The following ELP1 variants were observed in gnomAD, a reference collection of about 807,000 sequenced individuals.
The protein encoded by ELP1 is elongator complex protein 1.
A neutral mutation model predicts 183.2 loss-of-function variants in ELP1; 131 were observed. That is an observed-to-expected ratio of 0.72 (90% CI 0.62 to 0.83). The LOEUF is 0.83. Among genes scored for constraint, ELP1 ranks in the 40% least tolerant of loss-of-function variants. The probability of loss-of-function intolerance (pLI) is 0.00; values close to 1 mark genes in which losing one functional copy is unlikely to be tolerated. For missense variants in ELP1, 1,550 were observed against 1,594.9 expected (o/e 0.97, Z 0.48); for synonymous variants, 555 against 569.0 (o/e 0.98, Z 0.35).
rs752896266 is a variant in ELP1, at chr9:108,906,503, G to A, written c.1461-18C>T. ...ACTGGATTCTATTGTAAATATTGAAGAATATCCAAGACATGAATAAAACTT... is the reference window on the plus strand; with the variant it reads ...ACTGGATTCTATTGTAAATATTGAAAAATATCCAAGACATGAATAAAACTT... On this transcript the variant is annotated intron_variant, in intron 13 of 36. Transcript: ENST00000374647. The A allele has an allele frequency of 6.2e-7, 1 of 1,603,206 alleles. No homozygotes were observed. The highest frequency in any genetic ancestry group is 1.1e-5 in the South Asian group (1 of 90,834).
In ELP1 at chr9:108,878,023, A is replaced by C; in HGVS notation, c.3827T>G (p.Leu1276Arg). Residue 1276 changes from leucine (L) to arginine (R), a missense_variant, in exon 35 of 37, where the codon CTT becomes CGT. Coordinates refer to ENST00000374647, the MANE Select transcript of ELP1 (RefSeq NM_003640.5). ...GGTAGCTGAATTCTGCTGGTAAGTA[A>C]GAGTCCAAATTTCTGGAAGTGACCT... is the stretch of plus-strand genomic sequence containing the variant. The part of the protein sequence containing the change: ...MERSLPEIWT[L>R]TYQQNSATPV... The C allele has an allele frequency of 1.2e-6, 2 of 1,614,220 alleles. No homozygotes were observed. The highest frequency in any genetic ancestry group is 1.7e-6 in the Non-Finnish European group (2 of 1,180,032).
chr9:108,879,123 A>G (rs1466001672), intron 33 of ELP1, among the ~76,000 whole-genome samples: 1 of 152,142 alleles, frequency 6.6e-6, no homozygotes, highest in African/African-American at 2.4e-5. Flanking sequence ...TTATCTTTTC[A>G]TTTTTTCAGT....
At position 108,872,803 on chromosome 9, in the gene ELP1, T is replaced by TCA. The variant is rs1564207087; in HGVS notation, c.3931+2091_3931+2092insTG. Among the ~76,000 whole-genome samples, 267 of 62,670 alleles carry TCA rather than the reference T, an allele frequency of 4.3e-3. 20 individuals are homozygous for TCA. The highest frequency in any genetic ancestry group is 8.8e-3 in the African/African-American group (113 of 12,866). 41.1% of individuals were successfully genotyped at this position (62,670 alleles called of 152,430 possible). A position where few individuals can be genotyped will look rare whatever the true frequency, so the allele number is the denominator to read the frequency against. Reference sequence around the variant, plus strand: ...CTGGGCCACAGAGCAAGACTCTGTCTGAAAAAAAAAAAAAAAAAAAAAAAA... The same window carrying TCA: ...CTGGGCCACAGAGCAAGACTCTGTCTCAGAAAAAAAAAAAAAAAAAAAAAAAA... On this transcript the variant is annotated intron_variant, in intron 36 of 36. Coordinates refer to ENST00000374647, the MANE Select transcript of ELP1 (RefSeq NM_003640.5).
At chr9:108,892,908 T>C (rs1284013685) in intron 27 of ELP1, 78 bp downstream of exon 27, 5 of 958,490 alleles carry the variant, frequency 5.2e-6, no homozygotes, top group Admixed American at 1.7e-5. Context: ...GATGGTGTTA[T>C]GAACTTAGGA....
intron 36 of ELP1, 67 bp downstream of exon 36, chr9:108,874,828 C>G: frequency 9.2e-7 from 1 of 1,083,178 alleles, no homozygotes; most frequent in Admixed American, 1.7e-5. Flanking sequence ...TGCTGATCTT[C>G]TCAATACTTA....
intron 13 of ELP1, among the ~76,000 whole-genome samples, chr9:108,907,368 G>A (rs1829058532): frequency 6.6e-6 from 1 of 152,038 alleles, no homozygotes; most frequent in Non-Finnish European, 1.5e-5. Context: ...CTACTCTAGT[G>A]GTTTCAAGTC....
intron 29 of ELP1, among the ~76,000 whole-genome samples, chr9:108,885,824 G>A (rs1420988645): frequency 6.6e-6 from 1 of 152,092 alleles, no homozygotes; most frequent in Non-Finnish European, 1.5e-5. Context: ...TGTTGAAGGA[G>A]CTTGGAAAAA....
At chr9:108,894,095 T>C in intron 25 of ELP1, 29 bp from the exon 26 acceptor site, 1 of 1,301,434 alleles carries the variant, frequency 7.7e-7, no homozygotes, top group Non-Finnish European at 1.1e-6. Flanking sequence ...AGAACTTTAT[T>C]ACTTGTGATA....
intron 29 of ELP1, among the ~76,000 whole-genome samples, chr9:108,888,626 T>A (rs1299132639): frequency 6.6e-6 from 1 of 152,194 alleles, no homozygotes; most frequent in Non-Finnish European, 1.5e-5. Context: ...CTCTCCAGGA[T>A]CTAATTATAT....
At position 108,899,895 on chromosome 9, in the gene ELP1, T is replaced by C. The variant is rs2131987661; in HGVS notation, c.2131A>G (p.Met711Val). 6.2e-7 allele frequency: 1 copy of C among 1,613,396 alleles called. No individual in the cohort carries two copies. The highest frequency in any genetic ancestry group is 2.2e-5 in the East Asian group (1 of 44,864). ...ACAACTTCTAAGTTTCCCCTTGGCA[T>C]CTTAAATAAATTAAAGCAGTAACAT... is the stretch of plus-strand genomic sequence containing the variant. ...VPQDTKLVLQ[M>V]PRGNLEVVHH... is the part of the protein sequence containing the mutation. Residue 711 changes from methionine to valine, a missense_variant and splice_region_variant, in exon 20 of 37, where the codon ATG (methionine) becomes GTG (valine). By Grantham distance (21) the Met-to-Val change is conservative. Transcript: ENST00000374647.
rs375103799 is a variant in ELP1, at chr9:108,875,961, T to A, written c.3856-991A>T. On this transcript the variant is annotated intron_variant, in intron 35 of 36. Coordinates refer to ENST00000374647, the MANE Select transcript of ELP1 (RefSeq NM_003640.5). ...TGTGATCAGAAGAGAAGATCACTCA[T>A]GGGAGTGGTATTATAAATTATTATC... 5.9e-5 allele frequency among the ~76,000 whole-genome samples: 9 copies of A among 152,064 alleles called. No individual in the cohort carries two copies. In the East Asian group the frequency reaches 1.6e-3, roughly 26 times the overall value.
At chr9:108,885,466 C>A (rs1828089618) in intron 29 of ELP1, among the ~76,000 whole-genome samples, 1 of 152,110 alleles carries the variant, frequency 6.6e-6, no homozygotes, top group African/African-American at 2.4e-5. Context: ...CCAGAAGACA[C>A]AGATAAACTT....
rs776498527 is a variant in ELP1 at position 108,916,154 on chromosome 9, T to G, written c.958+50A>C. 7 of 1,408,146 alleles carry G rather than the reference T, an allele frequency of 5.0e-6. No homozygotes were observed. In the African/African-American group the frequency reaches 9.9e-5, roughly 20 times the overall value. 87.2% of individuals were successfully genotyped at this position (1,408,146 alleles called of 1,614,324 possible). A position where few individuals can be genotyped will look rare whatever the true frequency, so the allele number is the denominator to read the frequency against. On this transcript the variant is annotated intron_variant, in intron 10 of 36. Transcript: ENST00000374647. ...GAAGGAAATCCCATACCTGTCTACT[T>G]TCAACTACGTTTTATGGGGCAGAAG...
At chr9:108,892,791 T>A (rs747971746) in intron 27 of ELP1, among the ~76,000 whole-genome samples, 195 bp downstream of exon 27, 10 of 152,228 alleles carry the variant, frequency 6.6e-5, no homozygotes, top group Non-Finnish European at 1.2e-4. Context: ...ACGAGGAAGG[T>A]GCTGTGGTAT....
intron 6 of ELP1, among the ~76,000 whole-genome samples, chr9:108,922,278 A>G (rs1829672053): frequency 6.6e-6 from 1 of 152,210 alleles, no homozygotes; most frequent in African/African-American, 2.4e-5. Context: ...CAGGTGCCCC[A>G]AGAGTCTGCA....
intron 35 of ELP1, among the ~76,000 whole-genome samples, chr9:108,876,920 G>A (rs750221456): frequency 3.3e-5 from 5 of 151,968 alleles, no homozygotes; most frequent in Non-Finnish European, 5.9e-5. Context: ...TAGTAGAGAC[G>A]GGGCTTCTCC....
chr9:108,890,967 G>A (rs1828308227), intron 28 of ELP1, among the ~76,000 whole-genome samples: 1 of 152,198 alleles, frequency 6.6e-6, no homozygotes, highest in Non-Finnish European at 1.5e-5. Flanking sequence ...CACAACGGAA[G>A]GGCCTATAAA....
intron 26 of ELP1, 47 bp from the exon 27 acceptor site, chr9:108,893,130 C>T (rs1271523324): frequency 3.8e-6 from 5 of 1,303,710 alleles, no homozygotes; most frequent in East Asian, 2.3e-5. Flanking sequence ...ACATGGGAAG[C>T]ATAATGGACT....
rs1292528228 is a variant in ELP1, at chr9:108,878,091, C to T, written c.3759G>A (p.Arg1253=). 7 of 1,612,934 alleles carry T rather than the reference C, an allele frequency of 4.3e-6. No individual in the cohort carries two copies. The Admixed American group carries it at 1.0e-4, about 23-fold the overall frequency. Reference sequence around the variant, plus strand: ...TATCTTCAAAGGCCTTCTGTAATTCCCTTCCTTGTTCATCAAACTCAAAGA... The same window carrying T: ...TATCTTCAAAGGCCTTCTGTAATTCTCTTCCTTGTTCATCAAACTCAAAGA... ...LFLFEFDEQG[R]ELQKAFEDTL... Residue 1253 remains arginine (R), a synonymous_variant, in exon 35 of 37, where the codon AGG becomes AGA. Coordinates refer to ENST00000374647, the MANE Select transcript of ELP1 (RefSeq NM_003640.5).
Sources: allele counts gnomAD v4.1 joint callset (sites outside exome capture counted in the v4.1 genomes callset), GRCh38; gene constraint gnomAD v4.1.1; transcripts MANE v1.5; gene names NCBI Gene and HGNC (gene_info 2026-07-23, HGNC 2026-07-21).